The following BMP7 variants were observed in gnomAD, a reference collection of about 807,000 sequenced individuals.
The protein encoded by BMP7 is osteogenic protein 1.
In BMP7, 12 loss-of-function variants were observed where a neutral mutation model predicts 41.2. The ratio of observed to expected loss-of-function variants is 0.29; its 90% CI spans 0.19 to 0.47. The LOEUF (loss-of-function observed/expected upper bound fraction) is 0.47. BMP7 is among the 20% of genes least tolerant of loss of function. BMP7 has a pLI of 0.99. For synonymous variants in BMP7, 248 were observed against 250.0 expected, an observed-to-expected ratio of 0.99 and a Z score of 0.07; for missense variants, 467 against 606.0, an observed-to-expected ratio of 0.77 and a Z score of 2.41.
chr20:57,209,988 C>T lies in BMP7; in HGVS notation c.612-7365G>A, dbSNP rs144209039. On this transcript the variant is annotated intron_variant, in intron 2 of 6. Coordinates refer to ENST00000395863, the MANE Select transcript of BMP7 (RefSeq NM_001719.3). ...TCCTGGGTTTGGACAGTTTTTTCCA[C>T]TCCTCTAATCTCAGAGAAAGGCAGC... Among the ~76,000 whole-genome samples, 1,352 of 152,318 alleles carry T rather than the reference C, an allele frequency of 8.9e-3. 14 individuals carry two copies. The highest frequency in any genetic ancestry group is 0.012 in the Non-Finnish European group (830 of 68,020).
chr20:57,200,750 G>A (rs1187058486), intron 3 of BMP7, among the ~76,000 whole-genome samples: 4 of 152,114 alleles, frequency 2.6e-5, no homozygotes, highest in African/African-American at 7.2e-5. Context: ...AATCGAGATC[G>A]TGCCATTGCA....
In BMP7 at chr20:57,170,665, C is replaced by T. The variant is rs1427525911; in HGVS notation, c.*294G>A. 16 of 396,614 alleles carry T rather than the reference C, an allele frequency of 4.0e-5. No individual in the cohort carries two copies. The highest frequency in any genetic ancestry group is 3.6e-5 in the Admixed American group (1 of 27,582). 24.6% of individuals were successfully genotyped at this position (396,614 alleles called of 1,614,324 possible). A position where few individuals can be genotyped will look rare whatever the true frequency, so the allele number is the denominator to read the frequency against. On this transcript the variant is annotated 3_prime_UTR_variant, in exon 7 of 7. Transcript: ENST00000395863. Reference sequence around the variant, plus strand: ...CCTCTGGAAACGAGTCCGTGCATGGCTGAGACTTCCCAGCCAATGACCTGG... The same window carrying T: ...CCTCTGGAAACGAGTCCGTGCATGGTTGAGACTTCCCAGCCAATGACCTGG...
rs530135249 is a variant in BMP7 at position 57,194,526 on chromosome 20, A to G, written c.760+7949T>C. Among the ~76,000 whole-genome samples, 3 of 152,324 alleles carry G rather than the reference A, an allele frequency of 2.0e-5. No individual in the cohort carries two copies. In the South Asian group the frequency reaches 6.2e-4, roughly 32 times the overall value. ...GCTGACCCTGACTCTAACCAACCCT[A>G]GATCCACTCACTTCCAGACTTGTAG... On this transcript the variant is annotated intron_variant, in intron 3 of 6. Transcript: ENST00000395863.
At chr20:57,198,033 CCACT>C (rs1229709312) in intron 3 of BMP7, among the ~76,000 whole-genome samples, 5 of 152,112 alleles carry the variant, frequency 3.3e-5, no homozygotes, top group African/African-American at 1.2e-4. Flanking sequence ...AGGATTCCCT[CCACT>C]CAAAGGTGCC....
At chr20:57,208,827 T>TA (rs1223294135) in intron 2 of BMP7, among the ~76,000 whole-genome samples, 2 of 152,162 alleles carry the variant, frequency 1.3e-5, no homozygotes, top group East Asian at 3.9e-4. Flanking sequence ...CAGTCAGACT[T>TA]AAAAGATTGC....
chr20:57,252,958 C>T (rs1182090833), intron 1 of BMP7, among the ~76,000 whole-genome samples: 1 of 152,186 alleles, frequency 6.6e-6, no homozygotes, highest in Non-Finnish European at 1.5e-5. Flanking sequence ...CTATAATACA[C>T]AGGACAGCTC....
chr20:57,205,139 T>TTTTTTG (rs1191821733), intron 2 of BMP7, among the ~76,000 whole-genome samples: 3 of 113,686 alleles, frequency 2.6e-5, no homozygotes, highest in African/African-American at 1.4e-4. Flanking sequence ...GAGGTATTTG[T>TTTTTTG]TTTTTGTTTG....
rs6127972 is a variant in BMP7 at position 57,222,001 on chromosome 20, G to T, written c.611+6228C>A. Among the ~76,000 whole-genome samples, 51,705 of 151,850 alleles carry T rather than the reference G, an allele frequency of 0.34. 9,867 individuals are homozygous for T. Among genetic ancestry groups the T allele is most frequent in the East Asian group, 0.63 (3,256 of 5,148 alleles). On this transcript the variant is annotated intron_variant, in intron 2 of 6. Coordinates refer to ENST00000395863, the MANE Select transcript of BMP7 (RefSeq NM_001719.3). ...ATGGGAGAGAGGAGGCTCCAAGATC[G>T]CATTGTGGACCCAGCTAAATCGATG...
intron 1 of BMP7, 114 bp downstream of exon 1, chr20:57,265,591 G>A: frequency 1.3e-6 from 2 of 1,481,622 alleles, no homozygotes; most frequent in Non-Finnish European, 1.8e-6. Flanking sequence ...CAGGCACTGC[G>A]ATTTCAGCCA....
intron 1 of BMP7, among the ~76,000 whole-genome samples, chr20:57,238,120 C>T (rs966208462): frequency 6.6e-6 from 1 of 152,150 alleles, no homozygotes; most frequent in African/African-American, 2.4e-5. Flanking sequence ...CCCTTTCTTC[C>T]TCCCTCCTCC....
chr20:57,208,032 T>C (rs1277546959), intron 2 of BMP7, among the ~76,000 whole-genome samples: 1 of 151,840 alleles, frequency 6.6e-6, no homozygotes, highest in East Asian at 1.9e-4. Flanking sequence ...GGTTTCACCT[T>C]GTTAGCCAGG....
At chr20:57,238,794 C>A (rs2123127223) in intron 1 of BMP7, among the ~76,000 whole-genome samples, 1 of 152,240 alleles carries the variant, frequency 6.6e-6, no homozygotes, top group African/African-American at 2.4e-5. Context: ...TCTTACATGG[C>A]AGCAGCAAGA....
chr20:57,207,877 C>T (rs1053315001), intron 2 of BMP7, among the ~76,000 whole-genome samples: 6 of 129,456 alleles, frequency 4.6e-5, no homozygotes, highest in Admixed American at 3.8e-4. Context: ...GGCTGGACTG[C>T]GGACTGCAGT....
chr20:57,224,221 C>T lies in BMP7; in HGVS notation c.611+4008G>A, dbSNP rs181123782. Among the ~76,000 whole-genome samples, 1 of 152,224 alleles carries T rather than the reference C, an allele frequency of 6.6e-6. No individual in the cohort carries two copies. The highest frequency in any genetic ancestry group is 2.4e-5 in the African/African-American group (1 of 41,454). On this transcript the variant is annotated intron_variant, in intron 2 of 6. Coordinates refer to ENST00000395863, the MANE Select transcript of BMP7 (RefSeq NM_001719.3). This position sits in a 1 kb window ranked among gnomAD's most constrained non-coding sequence, Gnocchi z 4.8. ...CAGAGTGACTCAGGCTGCAGCTGAT[C>T]CAAATCTTGGCCCTCGAGACCACGC...
At chr20:57,225,929 T>C (rs978073818) in intron 2 of BMP7, 10 of 471,156 alleles carry the variant, frequency 2.1e-5, no homozygotes, top group African/African-American at 1.4e-4. Context: ...TTCTGGTCGA[T>C]GCCCTCAGGC....
intron 2 of BMP7, among the ~76,000 whole-genome samples, chr20:57,226,767 G>C (rs1276653662): frequency 6.6e-6 from 1 of 151,856 alleles, no homozygotes; most frequent in South Asian, 2.1e-4. Flanking sequence ...TTTTCACTGT[G>C]GTTCCTCTTC....
At chr20:57,206,526 T>G (rs1372956433) in intron 2 of BMP7, among the ~76,000 whole-genome samples, 1 of 152,126 alleles carries the variant, frequency 6.6e-6, no homozygotes, top group Non-Finnish European at 1.5e-5. Flanking sequence ...AAGAGACACA[T>G]AGGAAGATGT....
chr20:57,232,852 T>TACACACACAC (rs60368986), intron 1 of BMP7, among the ~76,000 whole-genome samples: 144 of 138,134 alleles, frequency 1.0e-3, no homozygotes, highest in African/African-American at 3.3e-3. Flanking sequence ...AGTCATGAAG[T>TACACACACAC]ACACACACAC....
intron 2 of BMP7, among the ~76,000 whole-genome samples, chr20:57,220,847 T>C (rs931879135): frequency 6.6e-6 from 1 of 152,212 alleles, no homozygotes; most frequent in African/African-American, 2.4e-5. Flanking sequence ...GTTTCAATTC[T>C]GGAAGAGAAA....
Sources: gnomAD v4.1 joint callset for allele counts (sites outside exome capture counted in the v4.1 genomes callset) on GRCh38, gnomAD v4.1.1 for gene constraint, Gnocchi (gnomAD v3.1) non-coding constraint, MANE v1.5 for transcripts, NCBI Gene and HGNC (gene_info 2026-07-23, HGNC 2026-07-21) for gene names.